Variants in ACSM2A observed in about 807,000 individuals in gnomAD.
ACSM2A encodes acyl-CoA synthetase medium chain family member 2A, also known as acyl-coenzyme A synthetase ACSM2A, mitochondrial.
A neutral mutation model predicts 76.6 loss-of-function variants in ACSM2A; 72 were observed. That is an observed-to-expected ratio of 0.94 (90% CI 0.78 to 1.14). The LOEUF is 1.14. Ranked by LOEUF, ACSM2A falls within the 50% of genes most tolerant of loss-of-function variation. The pLI, the probability that ACSM2A is intolerant of heterozygous loss-of-function variation, is 0.00. For synonymous variants in ACSM2A, 249 were observed against 255.9 expected (o/e 0.97, Z 0.26); for missense variants, 684 against 708.5 (o/e 0.97, Z 0.39).
intron 1 of ACSM2A, among the ~76,000 whole-genome samples, chr16:20,454,075 A>G (rs79946246): frequency 0.043 from 4,144 of 97,000 alleles, 370 homozygotes; most frequent in African/African-American, 0.13. Context: ...CTCCCTGTTC[A>G]TACACCCTCT....
chr16:20,483,232 GTT>G, intron 13 of ACSM2A, 55 bp downstream of exon 13: 1 of 1,599,848 alleles, frequency 6.3e-7, no homozygotes, highest in Admixed American at 1.7e-5. Context: ...TTGTTTTCCT[GTT>G]ATATTTATCT....
At chr16:20,475,893 C>G in intron 8 of ACSM2A, 120 bp downstream of exon 8, 2 of 1,539,922 alleles carry the variant, frequency 1.3e-6, no homozygotes, top group Non-Finnish European at 1.7e-6. Context: ...ATTTATTGAG[C>G]CTCTATGAAG....
chr16:20,475,868 A>T (rs2013710532), intron 8 of ACSM2A, 95 bp downstream of exon 8: 1 of 1,577,874 alleles, frequency 6.3e-7, no homozygotes, highest in Non-Finnish European at 8.6e-7. Context: ...TGTATCATTC[A>T]TCTATTCGAG....
intron 5 of ACSM2A, 33 bp from the exon 6 acceptor site, chr16:20,471,503 C>A (rs778024827): frequency 6.3e-7 from 1 of 1,593,738 alleles, no homozygotes; most frequent in South Asian, 1.1e-5. Flanking sequence ...ATGCACCCAC[C>A]TATATGTACA....
chr16:20,468,295 C>A (rs1567364026), intron 3 of ACSM2A, among the ~76,000 whole-genome samples: 1 of 152,228 alleles, frequency 6.6e-6, no homozygotes. Flanking sequence ...AGGTTAAAAG[C>A]TATTTAACAG....
At chr16:20,472,371 T>C (rs2013469042) in intron 6 of ACSM2A, among the ~76,000 whole-genome samples, 1 of 152,220 alleles carries the variant, frequency 6.6e-6, no homozygotes, top group Admixed American at 6.5e-5. Flanking sequence ...TATTCTCACA[T>C]GGTTGAGAGA....
intron 12 of ACSM2A, 64 bp from the exon 13 acceptor site, chr16:20,482,994 A>T (rs562164086): frequency 6.9e-6 from 11 of 1,584,270 alleles, no homozygotes; most frequent in Non-Finnish European, 9.5e-6. Context: ...TGCCAATTTC[A>T]CATTATTCCA....
chr16:20,467,244 G>A (rs2013055752), intron 3 of ACSM2A, among the ~76,000 whole-genome samples: 1 of 152,196 alleles, frequency 6.6e-6, no homozygotes, highest in African/African-American at 2.4e-5. Context: ...ACATGTAGAG[G>A]TGGCCAGGTG....
rs764709490 is a variant in ACSM2A, at chr16:20,465,547, T to C, written c.208T>C (p.Trp70Arg). ...CAAGCGACTCCCAAGCCCAGCCCTG[T>C]GGTGGGTGAATGGGAAGGGGAAGGA... ...AGKRLPSPAL[W>R]WVNGKGKELM... Residue 70 changes from tryptophan (W) to arginine (R), a missense_variant, in exon 3 of 14, where the codon TGG (tryptophan) becomes CGG (arginine). Transcript: ENST00000573854. 1.9e-6 allele frequency: 3 copies of C among 1,613,692 alleles called. No homozygotes were observed. Among genetic ancestry groups the C allele is most frequent in the African/African-American group, 2.7e-5 (2 of 74,864 alleles).
At chr16:20,459,119 T>A (rs2012444431) in intron 1 of ACSM2A, among the ~76,000 whole-genome samples, 1 of 151,460 alleles carries the variant, frequency 6.6e-6, no homozygotes, top group Non-Finnish European at 1.5e-5. Flanking sequence ...GGCATGAGAA[T>A]GATACAATAA....
intron 13 of ACSM2A, among the ~76,000 whole-genome samples, chr16:20,483,930 C>A (rs1300119281): frequency 6.6e-6 from 1 of 152,026 alleles, no homozygotes; most frequent in Non-Finnish European, 1.5e-5. Flanking sequence ...CCCTTTGACT[C>A]TCTTTCCTTT....
chr16:20,468,203 C>T (rs968548311), intron 3 of ACSM2A, among the ~76,000 whole-genome samples: 1 of 151,990 alleles, frequency 6.6e-6, no homozygotes, highest in African/African-American at 2.4e-5. Flanking sequence ...CAATTGGCCA[C>T]CATGGTAGAG....
At chr16:20,454,740 C>T (rs143890037) in intron 1 of ACSM2A, among the ~76,000 whole-genome samples, 89 of 151,382 alleles carry the variant, frequency 5.9e-4, no homozygotes, top group South Asian at 3.6e-3. Flanking sequence ...GGGAATATGA[C>T]AAAACAAGGC....
At chr16:20,468,098 G>A (rs2013125594) in intron 3 of ACSM2A, among the ~76,000 whole-genome samples, 1 of 152,126 alleles carries the variant, frequency 6.6e-6, no homozygotes, top group South Asian at 2.1e-4. Flanking sequence ...TGGAAAGAGA[G>A]AACAAGCCAG....
chr16:20,466,210 C>T (rs2012987602), intron 3 of ACSM2A, among the ~76,000 whole-genome samples: 1 of 152,032 alleles, frequency 6.6e-6, no homozygotes, highest in African/African-American at 2.4e-5. Flanking sequence ...TCCACAAAAC[C>T]TAAAATATTT....
intron 6 of ACSM2A, 113 bp downstream of exon 6, chr16:20,471,802 T>C (rs1045452393): frequency 1.3e-6 from 2 of 1,518,950 alleles, no homozygotes; most frequent in Admixed American, 1.9e-5. Context: ...CCCTGCCATG[T>C]GGTGAACAGT....
At position 20,456,958 on chromosome 16, in the gene ACSM2A, AG is replaced by A. The variant is rs547092528; in HGVS notation, c.-8-3147del. On this transcript the variant is annotated intron_variant, in intron 1 of 13. Coordinates refer to ENST00000573854, the MANE Select transcript of ACSM2A (RefSeq NM_001308172.2). ...AAAATCCAAATAAGCTCAATTAGAA[AG>A]GAAATGGGAGATATTACAACCGACA... Among the ~76,000 whole-genome samples, 323 of 151,984 alleles carry A rather than the reference AG, an allele frequency of 2.1e-3. 1 individual carries two copies. The highest frequency in any genetic ancestry group is 0.017 in the Middle Eastern group (5 of 294).
At chr16:20,475,617 G>A (rs754276261) in intron 7 of ACSM2A, 33 bp from the exon 8 acceptor site, 2 of 1,613,376 alleles carry the variant, frequency 1.2e-6, no homozygotes, top group South Asian at 2.2e-5. Context: ...GTTCCAGGGA[G>A]GCTGAGGGCA....
chr16:20,478,631 T>C lies in ACSM2A; in HGVS notation c.1235T>C (p.Ile412Thr). The change falls in exon 10 of 14, where the codon ATC becomes ACC. Residue 412 changes from isoleucine (I) to threonine (T), a missense_variant. This residue lies in a region of ACSM2A where 519 missense variants were observed against 549.5 expected (regional missense o/e 0.94). Transcript: ENST00000573854. ...LPPGTEGDIG[I>T]RVKPIRPIGI... is the part of the protein sequence containing the mutation. ...CCCGGCACAGAAGGAGACATTGGCA[T>C]CAGGGTCAAACCCATCAGGCCTATA... 1 of 1,613,958 alleles carries C rather than the reference T, an allele frequency of 6.2e-7. No homozygotes were observed. The highest frequency in any genetic ancestry group is 1.1e-5 in the South Asian group (1 of 91,038).
Sources: gnomAD v4.1 joint callset for allele counts (sites outside exome capture counted in the v4.1 genomes callset) on GRCh38, gnomAD v4.1.1 for gene constraint, gnomAD v4.1.1 regional missense constraint, MANE v1.5 for transcripts, NCBI Gene and HGNC (gene_info 2026-07-23, HGNC 2026-07-21) for gene names.